Variants in TNRC6B observed in about 807,000 individuals in gnomAD.
TNRC6B encodes trinucleotide repeat containing adaptor 6B, also known as trinucleotide repeat-containing gene 6B protein.
TNRC6B carries 52 observed loss-of-function variants against 203.6 expected under a neutral mutation model. The ratio of observed to expected loss-of-function variants is 0.26; its 90% confidence interval spans 0.20 to 0.32. The LOEUF (loss-of-function observed/expected upper bound fraction) is 0.32, where lower values mean the gene tolerates loss of function less well. Among genes scored for constraint, TNRC6B ranks in the 10% least tolerant of loss-of-function variants. The pLI is 1.00. For synonymous variants in TNRC6B, 838 were observed against 845.7 expected (o/e 0.99, Z 0.16); for missense variants, 1,923 against 2,286.2 (o/e 0.84, Z 3.24).
At chr22:40,184,774 T>C (rs1210569718) in intron 1 of TNRC6B, among the ~76,000 whole-genome samples, 1 of 151,918 alleles carries the variant, frequency 6.6e-6, no homozygotes, top group East Asian at 1.9e-4. Flanking sequence ...GTTGGAGAAA[T>C]GTAAAATAAC....
In TNRC6B at chr22:40,286,869, T is replaced by G. The variant is rs2070791266; in HGVS notation, c.3708+1099T>G. Among the ~76,000 whole-genome samples the G allele has an allele frequency of 2.0e-5, 3 of 152,332 alleles. No homozygotes were observed. The South Asian group carries it at 6.2e-4, about 32-fold the overall frequency. ...GATAAGCTCATGCAAGGATTCAGTG[T>G]GTGGCCTTAGTCCCTCCTTAGAATG... On this transcript the variant is annotated intron_variant, in intron 12 of 22. Transcript: ENST00000454349.
At position 40,261,922 on chromosome 22, in the gene TNRC6B, A is replaced by G. The variant is rs1178439767; in HGVS notation, c.206A>G (p.Asn69Ser). 3 of 1,611,318 alleles carry G rather than the reference A, an allele frequency of 1.9e-6. No homozygotes were observed. The highest frequency in any genetic ancestry group is 1.7e-5 in the Admixed American group (1 of 59,992). Residue 69 changes from asparagine to serine, a missense_variant, in exon 4 of 23, where the codon AAT becomes AGT. This residue lies in a region of TNRC6B where 111 missense variants were observed against 155.3 expected (regional missense o/e 0.71). Coordinates refer to ENST00000454349, the MANE Select transcript of TNRC6B (RefSeq NM_001162501.2). ...SPSPPVNGGN[N>S]AKRVAVPNGQ... is the part of the protein sequence containing the mutation. ...TCGCCACCAGTCAATGGTGGCAACA[A>G]TGCCAAAAGGGTGGCAGTGCCGAAC...
At chr22:40,220,570 T>G (rs1239321014) in intron 1 of TNRC6B, among the ~76,000 whole-genome samples, 1 of 152,238 alleles carries the variant, frequency 6.6e-6, no homozygotes. Context: ...AAGTGTTTGC[T>G]TAAATCACTG....
chr22:40,183,033 A>G (rs2069154840), intron 1 of TNRC6B, among the ~76,000 whole-genome samples: 1 of 150,328 alleles, frequency 6.7e-6, no homozygotes, highest in East Asian at 1.9e-4. Flanking sequence ...CAGAGACCTT[A>G]TCTGTTTTCC....
At chr22:40,198,495 G>A (rs768863944) in intron 1 of TNRC6B, among the ~76,000 whole-genome samples, 19 of 152,038 alleles carry the variant, frequency 1.2e-4, no homozygotes, top group Admixed American at 3.9e-4. Context: ...GAGGAGGGAG[G>A]GTCTGGTGTG....
intron 2 of TNRC6B, among the ~76,000 whole-genome samples, chr22:40,123,369 T>C (rs1238117268): frequency 6.6e-6 from 1 of 151,858 alleles, no homozygotes; most frequent in Middle Eastern, 3.2e-3. Context: ...TTAAGAAAAA[T>C]AGAACAGCCA....
chr22:40,101,214 G>C (rs538075927), intron 1 of TNRC6B, among the ~76,000 whole-genome samples: 9 of 152,114 alleles, frequency 5.9e-5, no homozygotes, highest in African/African-American at 2.2e-4. Context: ...GGATGGTCTC[G>C]ATCTCCTAAC....
intron 3 of TNRC6B, among the ~76,000 whole-genome samples, chr22:40,154,354 C>G (rs993378361): frequency 6.0e-5 from 9 of 151,248 alleles, no homozygotes; most frequent in African/African-American, 2.2e-4. Flanking sequence ...ATCCCAGCTA[C>G]TCGGGAGGCT....
chr22:40,101,647 C>T (rs1261443440), intron 1 of TNRC6B, among the ~76,000 whole-genome samples: 1 of 152,118 alleles, frequency 6.6e-6, no homozygotes, highest in Non-Finnish European at 1.5e-5. Context: ...AGCTGAAAGA[C>T]ATTTCAAAAG....
In TNRC6B at chr22:40,266,592, A is replaced by T. The variant is rs1036936760; in HGVS notation, c.2362A>T (p.Asn788Tyr). ...AATCGGGACTTGGGGTAATGGTGGC[A>T]ATGCAAGCCTAGCTTCAAAAGGTGG... ...NEIGTWGNGG[N>Y]ASLASKGGWE... The change falls in exon 5 of 23, where the codon AAT (asparagine) becomes TAT (tyrosine). Residue 788 changes from asparagine to tyrosine, a missense_variant. Transcript: ENST00000454349. The T allele has an allele frequency of 2.5e-6, 4 of 1,612,726 alleles. No homozygotes were observed. Among genetic ancestry groups the T allele is most frequent in the Non-Finnish European group, 3.4e-6 (4 of 1,179,236 alleles).
intron 1 of TNRC6B, among the ~76,000 whole-genome samples, chr22:40,184,304 G>T (rs533531110): frequency 6.6e-6 from 1 of 152,244 alleles, no homozygotes; most frequent in East Asian, 1.9e-4. Flanking sequence ...GTGTTGGGGG[G>T]TTAAAAAGGG....
Position 40,277,154 on chromosome 22 carries a change from A to G in TNRC6B, c.3216+3A>G, listed in dbSNP as rs754893951. The stretch of plus-strand genomic sequence containing the variant: ...AGTTTTCAAATATGGGATTGCTGGT[A>G]AGTTTTATTTTTTTCAAATGTATAA... On this transcript the variant is annotated splice_donor_region_variant and intron_variant, in intron 8 of 22. Coordinates refer to ENST00000454349, the MANE Select transcript of TNRC6B (RefSeq NM_001162501.2). 7 of 1,603,230 alleles carry G rather than the reference A, an allele frequency of 4.4e-6. No homozygotes were observed. The South Asian group carries it at 5.7e-5, about 13-fold the overall frequency.
In TNRC6B at chr22:40,334,116, A is replaced by C. The variant is rs1477201363; in HGVS notation, c.*10875A>C. The C allele has an allele frequency of 6.6e-6, 1 of 152,546 alleles. No individual in the cohort carries two copies. Among genetic ancestry groups the C allele is most frequent in the African/African-American group, 2.4e-5 (1 of 41,410 alleles). 9.4% of individuals were successfully genotyped at this position (152,546 alleles called of 1,614,324 possible). On this transcript the variant is annotated 3_prime_UTR_variant, in exon 23 of 23. Coordinates refer to ENST00000454349, the MANE Select transcript of TNRC6B (RefSeq NM_001162501.2). ...TTTTTCTATCAGTCTCTGATCCCTC[A>C]TGGGTTCTGCCTGCCCTTGTATCTC...
upstream of TNRC6B, among the ~76,000 whole-genome samples, chr22:40,177,533 C>G (rs541861932): frequency 1.3e-5 from 2 of 152,254 alleles, no homozygotes; most frequent in South Asian, 2.1e-4. Flanking sequence ...AAGCTAAAGC[C>G]TCTTGTTTGG....
intron 1 of TNRC6B, 86 bp from the exon 2 acceptor site, chr22:40,245,929 C>A: frequency 1.0e-6 from 1 of 994,244 alleles, no homozygotes; most frequent in Non-Finnish European, 1.4e-6. Flanking sequence ...TGTCGTCTTG[C>A]CCACCACTTA....
At chr22:40,144,809 C>T (rs974414957) in intron 3 of TNRC6B, among the ~76,000 whole-genome samples, 5 of 148,242 alleles carry the variant, frequency 3.4e-5, no homozygotes, top group East Asian at 1.9e-4. Context: ...ATTAAGCTTT[C>T]GAACATGTCA....
intron 4 of TNRC6B, among the ~76,000 whole-genome samples, chr22:40,165,468 G>A (rs1247784614): frequency 6.6e-6 from 1 of 152,112 alleles, no homozygotes; most frequent in Non-Finnish European, 1.5e-5. Context: ...GAGCCACCAT[G>A]CCCAGTCATC....
At chr22:40,203,881 C>T (rs547851494) in intron 1 of TNRC6B, among the ~76,000 whole-genome samples, 66 of 152,310 alleles carry the variant, frequency 4.3e-4, no homozygotes, top group Non-Finnish European at 9.0e-4. Flanking sequence ...TGTCCAGCAT[C>T]GGCGTGGGCC....
At chr22:40,112,936 T>G (rs1280471878) in intron 1 of TNRC6B, among the ~76,000 whole-genome samples, 1 of 152,160 alleles carries the variant, frequency 6.6e-6, no homozygotes, top group African/African-American at 2.4e-5. Flanking sequence ...CTGGTCAACA[T>G]GGTGAAACCC....
Sources: gnomAD v4.1 joint callset for allele counts (sites outside exome capture counted in the v4.1 genomes callset) on GRCh38, gnomAD v4.1.1 for gene constraint, gnomAD v4.1.1 regional missense constraint, MANE v1.5 for transcripts, NCBI Gene and HGNC (gene_info 2026-07-23, HGNC 2026-07-21) for gene names.